The following CCDC90B variants were observed in gnomAD, a reference collection of about 807,000 sequenced individuals.
The protein encoded by CCDC90B is coiled-coil domain containing 90B, also known as coiled-coil domain-containing protein 90B, mitochondrial.
CCDC90B carries 24 observed loss-of-function variants against 37.0 expected under a neutral mutation model. The ratio of observed to expected loss-of-function variants is 0.65; its 90% CI spans 0.47 to 0.91. The LOEUF is 0.91. Among genes scored for constraint, CCDC90B ranks in the 40% least tolerant of loss-of-function variants. CCDC90B has a pLI of 0.00. For missense variants in CCDC90B, 319 were observed against 299.0 expected, an observed-to-expected ratio of 1.07 and a Z score of -0.49; for synonymous variants, 113 against 101.1, an observed-to-expected ratio of 1.12 and a Z score of -0.71.
In CCDC90B at chr11:83,265,889, G is replaced by C; in HGVS notation, c.685C>G (p.Leu229Val). ...SLKTLMESNK[L>V]ETIRYLAASV... ...CCTGCAAGATAACGAATTGTCTCAAGTTTGTTAGATTCCATCAGTGTTTTT... is the reference window on the plus strand; with the variant it reads ...CCTGCAAGATAACGAATTGTCTCAACTTTGTTAGATTCCATCAGTGTTTTT... Residue 229 changes from leucine (L) to valine (V), a missense_variant, in exon 8 of 9, where the codon CTT (leucine) becomes GTT (valine). By Grantham distance (32) the Leu-to-Val change is conservative. Coordinates refer to ENST00000529689, the MANE Select transcript of CCDC90B (RefSeq NM_021825.5). The C allele has an allele frequency of 1.9e-6, 3 of 1,607,254 alleles. No homozygotes were observed. Among genetic ancestry groups the C allele is most frequent in the Non-Finnish European group, 2.6e-6 (3 of 1,175,892 alleles).
At chr11:83,268,623 C>T (rs568829994) in intron 7 of CCDC90B, among the ~76,000 whole-genome samples, 3 of 152,034 alleles carry the variant, frequency 2.0e-5, no homozygotes, top group Non-Finnish European at 2.9e-5. Context: ...CCTTAGAAAC[C>T]GACAAAAAGA....
At position 83,274,737 on chromosome 11, in the gene CCDC90B, T is replaced by G; in HGVS notation, c.328A>C (p.Ile110Leu). The G allele has an allele frequency of 6.3e-7, 1 of 1,594,598 alleles. No homozygotes were observed. Among genetic ancestry groups the G allele is most frequent in the Non-Finnish European group, 8.6e-7 (1 of 1,165,062 alleles). ...TGAGCCATTAGCTGTTGTACTGTTA[T>G]TTCCTAGAAAACAAAATAAAAATAA... is the stretch of plus-strand genomic sequence containing the variant. ...KEMVTQAQQE[I>L]TVQQLMAHLD... is the part of the protein sequence containing the mutation. Residue 110 changes from isoleucine to leucine, a missense_variant, in exon 4 of 9, where the codon ATA (isoleucine) becomes CTA (leucine). Transcript: ENST00000529689.
intron 3 of CCDC90B, among the ~76,000 whole-genome samples, chr11:83,278,477 C>T (rs1345212011): frequency 6.6e-6 from 1 of 152,200 alleles, no homozygotes; most frequent in African/African-American, 2.4e-5. Flanking sequence ...ATGAATAACA[C>T]AATATAATGA....
intron 1 of CCDC90B, 109 bp downstream of exon 1, chr11:83,285,764 G>C: frequency 6.8e-7 from 1 of 1,477,874 alleles, no homozygotes; most frequent in Non-Finnish European, 8.9e-7. Flanking sequence ...GTGAATCCGG[G>C]AGGAGGGCGT....
chr11:83,279,593 T>G (rs1865264660), intron 2 of CCDC90B, among the ~76,000 whole-genome samples: 1 of 152,180 alleles, frequency 6.6e-6, no homozygotes, highest in South Asian at 2.1e-4. Context: ...TTCATCTATC[T>G]GAAATTTAGT....
rs1165690571 is a variant in CCDC90B, at chr11:83,274,678, TAGGATGA to T, written c.380_386del (p.Val127GlufsTer9). ...TCAGATTTGCAAATTCACTTTTCTC[TAGGATGA>T]CCATGTCTTTCCTGATAGCATCCAA... On this transcript the variant is annotated frameshift_variant, in exon 4 of 9. Transcript: ENST00000529689. LOFTEE classifies it high-confidence loss of function. 2 of 1,610,030 alleles carry T rather than the reference TAGGATGA, an allele frequency of 1.2e-6. No individual in the cohort carries two copies. The highest frequency in any genetic ancestry group is 1.1e-5 in the South Asian group (1 of 90,470).
intron 1 of CCDC90B, among the ~76,000 whole-genome samples, chr11:83,283,369 T>G (rs183659323): frequency 6.6e-6 from 1 of 152,366 alleles, no homozygotes; most frequent in Admixed American, 6.5e-5. Flanking sequence ...AATCTAGGCA[T>G]GGGCTGCCTT....
chr11:83,259,522 G>C lies in CCDC90B; in HGVS notation c.*2389C>G, dbSNP rs1863839562. On this transcript the variant is annotated 3_prime_UTR_variant, in exon 9 of 9. Coordinates refer to ENST00000529689, the MANE Select transcript of CCDC90B (RefSeq NM_021825.5). ...AACCTGGGAATAAGTATATTTATTT[G>C]TTGGGGCTTGAGAAGGTCCAATAAA... 1 of 152,154 alleles carries C rather than the reference G, an allele frequency of 6.6e-6. No homozygotes were observed. The highest frequency in any genetic ancestry group is 6.5e-5 in the Admixed American group (1 of 15,268). The allele number at this position is 152,154 out of a possible 1,614,324, so 9.4% of individuals were successfully genotyped here. A position where few individuals can be genotyped will look rare whatever the true frequency, so the allele number is the denominator to read the frequency against.
intron 1 of CCDC90B, among the ~76,000 whole-genome samples, chr11:83,284,872 G>C (rs1865586687): frequency 6.6e-6 from 1 of 152,164 alleles, no homozygotes; most frequent in Non-Finnish European, 1.5e-5. Context: ...GAGTTCAAAA[G>C]TGCTACCTCC....
chr11:83,264,454 CTATGAA>C (rs916114050), intron 8 of CCDC90B, among the ~76,000 whole-genome samples: 1 of 152,182 alleles, frequency 6.6e-6, no homozygotes, highest in African/African-American at 2.4e-5. Flanking sequence ...CTTTTGAATT[CTATGAA>C]TAATTTATAA....
intron 1 of CCDC90B, among the ~76,000 whole-genome samples, chr11:83,283,081 AC>A (rs1166959694): frequency 6.6e-6 from 1 of 152,080 alleles, no homozygotes; most frequent in Non-Finnish European, 1.5e-5. Context: ...AAGTTTGTCA[AC>A]CCCTGCACTA....
At position 83,272,974 on chromosome 11, in the gene CCDC90B, C is replaced by T. The variant is rs138485248; in HGVS notation, c.594+673G>A. Among the ~76,000 whole-genome samples the T allele has an allele frequency of 2.3e-3, 352 of 152,264 alleles. 5 individuals carry two copies. The highest frequency in any genetic ancestry group is 0.019 in the Admixed American group (297 of 15,278). On this transcript the variant is annotated intron_variant, in intron 7 of 8. Coordinates refer to ENST00000529689, the MANE Select transcript of CCDC90B (RefSeq NM_021825.5). ...CCACTTATTAACTGTGGGACCTTAA[C>T]CCCTCTGTGCTTCATTTTCCAAATT...
intron 4 of CCDC90B, 197 bp downstream of exon 4, chr11:83,274,439 TCTC>T (rs1490865327): frequency 2.7e-6 from 1 of 367,422 alleles, no homozygotes; most frequent in Admixed American, 4.3e-5. Context: ...TAACTCTTAT[TCTC>T]TTCAGTATGC....
At position 83,286,082 on chromosome 11, in the gene CCDC90B, G is replaced by C. The variant is rs1238226073; in HGVS notation, c.-110C>G. 2 of 1,538,408 alleles carry C rather than the reference G, an allele frequency of 1.3e-6. No homozygotes were observed. ...AGGAATGCTGGGAATTGTAGTTTTC[G>C]CTCTGTCACAAGCTCACCTCCCAGC... On this transcript the variant is annotated 5_prime_UTR_variant, in exon 1 of 9. Coordinates refer to ENST00000529689, the MANE Select transcript of CCDC90B (RefSeq NM_021825.5).
rs1158895400 is a variant in CCDC90B, at chr11:83,261,624, C to T, written c.*287G>A. On this transcript the variant is annotated 3_prime_UTR_variant, in exon 9 of 9. Coordinates refer to ENST00000529689, the MANE Select transcript of CCDC90B (RefSeq NM_021825.5). ...AACTGTTCAAGCAAACATAAGAAAA[C>T]TCTGGTTCAATTTCTATTAACTATC... 2.6e-5 allele frequency: 6 copies of T among 230,238 alleles called. No homozygotes were observed. Among genetic ancestry groups the T allele is most frequent in the African/African-American group, 1.4e-4 (6 of 44,088 alleles). 14.3% of individuals were successfully genotyped at this position (230,238 alleles called of 1,614,324 possible).
chr11:83,265,523 G>A (rs1468090354), intron 8 of CCDC90B, among the ~76,000 whole-genome samples: 1 of 152,060 alleles, frequency 6.6e-6, no homozygotes, highest in African/African-American at 2.4e-5. Context: ...CAGCTGCAGA[G>A]TTGCCTGCTA....
intron 3 of CCDC90B, among the ~76,000 whole-genome samples, chr11:83,275,172 T>C (rs1864948910): frequency 6.6e-6 from 1 of 152,148 alleles, no homozygotes; most frequent in Non-Finnish European, 1.5e-5. Context: ...AATAGATGTA[T>C]AGTTAAAATA....
In CCDC90B at chr11:83,261,736, A is replaced by C. The variant is rs1259401462; in HGVS notation, c.*175T>G. Reference sequence around the variant, plus strand: ...AAGACACACACCTGCACTCACACACACACAATAAAGACACAGTATCTCTTC... The same window carrying C: ...AAGACACACACCTGCACTCACACACCCACAATAAAGACACAGTATCTCTTC... On this transcript the variant is annotated 3_prime_UTR_variant, in exon 9 of 9. Transcript: ENST00000529689. 6.0e-6 allele frequency: 3 copies of C among 498,200 alleles called. No homozygotes were observed. The East Asian group carries it at 9.6e-5, about 16-fold the overall frequency. 30.9% of individuals were successfully genotyped at this position (498,200 alleles called of 1,614,324 possible).
At chr11:83,271,919 G>A (rs553148549) in intron 7 of CCDC90B, among the ~76,000 whole-genome samples, 10 of 152,208 alleles carry the variant, frequency 6.6e-5, no homozygotes, top group Admixed American at 5.9e-4. Flanking sequence ...TATACACCAC[G>A]GAATACTATG....
Sources: gnomAD v4.1 joint callset for allele counts (sites outside exome capture counted in the v4.1 genomes callset) on GRCh38, gnomAD v4.1.1 for gene constraint, MANE v1.5 for transcripts, NCBI Gene and HGNC (gene_info 2026-07-23, HGNC 2026-07-21) for gene names.